The following SH3GL2 variants were observed in gnomAD, a reference collection of about 807,000 sequenced individuals.
SH3GL2 encodes the protein endophilin-A1.
A neutral mutation model predicts 46.0 loss-of-function variants in SH3GL2; 24 were observed. That is an observed-to-expected ratio of 0.52 (90% CI 0.38 to 0.73). The LOEUF (loss-of-function observed/expected upper bound fraction) is 0.73. Among genes scored for constraint, SH3GL2 ranks in the 30% least tolerant of loss-of-function variants. The probability of loss-of-function intolerance (pLI) is 0.00; values close to 1 mark genes in which losing one functional copy is unlikely to be tolerated. For synonymous variants in SH3GL2, 196 were observed against 147.1 expected (o/e 1.33, Z -2.40); for missense variants, 413 against 424.2 (o/e 0.97, Z 0.23).
At chr9:17,795,511 T>C in intron 8 of SH3GL2, 33 bp from the exon 9 acceptor site, 1 of 1,576,296 alleles carries the variant, frequency 6.3e-7, no homozygotes, top group Non-Finnish European at 8.7e-7. Context: ...TATCCTTTTG[T>C]GTTCTTCTCT....
chr9:17,719,793 G>GAAAA (rs59406335), intron 1 of SH3GL2, among the ~76,000 whole-genome samples: 1 of 123,542 alleles, frequency 8.1e-6, no homozygotes. Context: ...ACCCTGTCTT[G>GAAAA]AAAAAAAAAA....
intron 1 of SH3GL2, among the ~76,000 whole-genome samples, chr9:17,723,401 GTTA>G (rs1204553981): frequency 2.0e-5 from 3 of 152,060 alleles, no homozygotes; most frequent in South Asian, 2.1e-4. Context: ...TTTATGAGCT[GTTA>G]TTAATAATTT....
chr9:17,626,292 T>C lies in SH3GL2; in HGVS notation c.45+47005T>C, dbSNP rs188295419. Among the ~76,000 whole-genome samples the C allele has an allele frequency of 5.3e-5, 8 of 152,242 alleles. No individual in the cohort carries two copies. The East Asian group carries it at 1.4e-3, about 26-fold the overall frequency. ...AGATTGCTCTGGCCTGAGGCCATGGTTGGGAATGGCAGGAGCATGTTGCGG... is the reference window on the plus strand; with the variant it reads ...AGATTGCTCTGGCCTGAGGCCATGGCTGGGAATGGCAGGAGCATGTTGCGG... On this transcript the variant is annotated intron_variant, in intron 1 of 8. Transcript: ENST00000380607.
chr9:17,648,510 A>C (rs1472594233), intron 1 of SH3GL2, among the ~76,000 whole-genome samples: 1 of 152,188 alleles, frequency 6.6e-6, no homozygotes, highest in Non-Finnish European at 1.5e-5. Flanking sequence ...TCACTCAAAA[A>C]CATCCAGGGT....
intron 1 of SH3GL2, among the ~76,000 whole-genome samples, chr9:17,720,371 C>G (rs921063973): frequency 6.6e-6 from 1 of 152,092 alleles, no homozygotes; most frequent in African/African-American, 2.4e-5. Context: ...AATCAGGCAG[C>G]CCCCGAACCA....
intron 1 of SH3GL2, among the ~76,000 whole-genome samples, chr9:17,644,475 A>G (rs1211301914): frequency 6.6e-6 from 1 of 152,114 alleles, no homozygotes; most frequent in Non-Finnish European, 1.5e-5. Flanking sequence ...AGTGCTATAA[A>G]TTTACCTGTA....
chr9:17,759,452 G>T lies in SH3GL2; in HGVS notation c.115-1985G>T, dbSNP rs948002781. Among the ~76,000 whole-genome samples, 5 of 152,298 alleles carry T rather than the reference G, an allele frequency of 3.3e-5. 1 individual carries two copies. The South Asian group carries it at 8.3e-4, about 25-fold the overall frequency. On this transcript the variant is annotated intron_variant, in intron 2 of 8. Transcript: ENST00000380607. ...CTCTTTCAGATTGGGAGATGCCTCT[G>T]TTGCCTGTCTTTTTAGGAAGAGCTT...
intron 1 of SH3GL2, among the ~76,000 whole-genome samples, chr9:17,592,145 G>A (rs1818496056): frequency 6.6e-6 from 1 of 152,184 alleles, no homozygotes; most frequent in African/African-American, 2.4e-5. Flanking sequence ...GCTGGTGTAA[G>A]CCCCAACCCC....
intron 1 of SH3GL2, among the ~76,000 whole-genome samples, chr9:17,703,259 TATAA>T (rs1256465116): frequency 6.6e-6 from 1 of 152,100 alleles, no homozygotes; most frequent in Non-Finnish European, 1.5e-5. Flanking sequence ...AAAAATATTT[TATAA>T]ATAACTAGCT....
At position 17,719,633 on chromosome 9, in the gene SH3GL2, A is replaced by G. The variant is rs575564900; in HGVS notation, c.46-27433A>G. ...AACAAGACCCTGTCTCTACCAAAAA[A>G]TAAAAAAAATTTATCTTGGCATGGT... On this transcript the variant is annotated intron_variant, in intron 1 of 8. Transcript: ENST00000380607. 5.9e-5 allele frequency among the ~76,000 whole-genome samples: 9 copies of G among 152,162 alleles called. No homozygotes were observed. The South Asian group carries it at 1.9e-3, about 32-fold the overall frequency.
chr9:17,672,588 T>A (rs896621454), intron 1 of SH3GL2, among the ~76,000 whole-genome samples: 2 of 152,110 alleles, frequency 1.3e-5, no homozygotes, highest in African/African-American at 4.8e-5. Flanking sequence ...AGGAGGCAAA[T>A]GAGCTGCAAC....
intron 3 of SH3GL2, among the ~76,000 whole-genome samples, chr9:17,773,965 A>G (rs1166110104): frequency 6.6e-6 from 1 of 152,028 alleles, no homozygotes. Flanking sequence ...GTCTTTTAAA[A>G]TTTCTTTCAG....
intron 1 of SH3GL2, among the ~76,000 whole-genome samples, chr9:17,647,728 G>C (rs1382463179): frequency 6.6e-6 from 1 of 152,136 alleles, no homozygotes; most frequent in East Asian, 1.9e-4. Flanking sequence ...TACACATAAA[G>C]GATTTAGCAT....
At chr9:17,584,517 A>G (rs775878864) in intron 1 of SH3GL2, among the ~76,000 whole-genome samples, 1 of 152,186 alleles carries the variant, frequency 6.6e-6, no homozygotes, top group Non-Finnish European at 1.5e-5. Context: ...AAATAAATAA[A>G]TAAATTCATC....
chr9:17,588,286 G>T (rs530096834), intron 1 of SH3GL2, among the ~76,000 whole-genome samples: 1 of 152,188 alleles, frequency 6.6e-6, no homozygotes, highest in Non-Finnish European at 1.5e-5. Context: ...TGCTACGATT[G>T]TTGGTGACTC....
At chr9:17,621,987 G>T (rs1302502147) in intron 1 of SH3GL2, among the ~76,000 whole-genome samples, 1 of 152,092 alleles carries the variant, frequency 6.6e-6, no homozygotes, top group Non-Finnish European at 1.5e-5. Context: ...TTTGTGTAAT[G>T]TTCTTTAGGT....
At chr9:17,769,738 T>A (rs946133049) in intron 3 of SH3GL2, among the ~76,000 whole-genome samples, 1 of 152,186 alleles carries the variant, frequency 6.6e-6, no homozygotes, top group Non-Finnish European at 1.5e-5. Context: ...TTCTAATTTA[T>A]CTTTTTGTTT....
intron 1 of SH3GL2, among the ~76,000 whole-genome samples, chr9:17,637,958 C>T (rs1483076460): frequency 1.3e-5 from 2 of 152,036 alleles, no homozygotes; most frequent in Non-Finnish European, 2.9e-5. Context: ...AGATCGAGAC[C>T]ATCCTGGCTA....
chr9:17,714,467 A>G (rs770380615), intron 1 of SH3GL2, among the ~76,000 whole-genome samples: 5 of 149,978 alleles, frequency 3.3e-5, no homozygotes, highest in Non-Finnish European at 7.4e-5. Flanking sequence ...CTTTTTTTGG[A>G]TTGAGTATTT....
Sources: allele counts gnomAD v4.1 joint callset (sites outside exome capture counted in the v4.1 genomes callset), GRCh38; gene constraint gnomAD v4.1.1; transcripts MANE v1.5; gene names NCBI Gene and HGNC (gene_info 2026-07-23, HGNC 2026-07-21).